PCDHGA8: variants seen among roughly 807,000 people sequenced by gnomAD.
The protein encoded by PCDHGA8 is protocadherin gamma-A8.
In PCDHGA8, 45 loss-of-function variants were observed where a neutral mutation model predicts 59.2. That is an observed-to-expected ratio of 0.76 (90% confidence interval 0.60 to 0.98). The LOEUF (loss-of-function observed/expected upper bound fraction) is 0.98, where lower values mean the gene tolerates loss of function less well. PCDHGA8 is among the 50% of genes least tolerant of loss of function. The pLI is 0.00. For synonymous variants in PCDHGA8, 531 were observed against 519.0 expected (o/e 1.02, Z -0.32); for missense variants, 1,257 against 1,196.2 (o/e 1.05, Z -0.75).
chr5:141,477,268 C>T lies in PCDHGA8; in HGVS notation c.2425-17539C>T. ...TGACTGACCTGGATGCTGGCGAGAA[C>T]GGGCTGGTGACCTGCGAAGTTCCAC... On this transcript the variant is annotated intron_variant, in intron 1 of 3. Transcript: ENST00000398604. The surrounding 1 kb of genome is among the most constrained non-coding windows in gnomAD (Gnocchi z 4.9). The T allele has an allele frequency of 6.2e-7, 1 of 1,614,196 alleles. No individual in the cohort carries two copies. The highest frequency in any genetic ancestry group is 8.5e-7 in the Non-Finnish European group (1 of 1,180,030).
intron 1 of PCDHGA8, chr5:141,422,401 C>G: frequency 6.3e-7 from 1 of 1,598,896 alleles, no homozygotes; most frequent in Non-Finnish European, 8.5e-7. Context: ...TAACCACCTG[C>G]CTTTTAAATT....
intron 1 of PCDHGA8, chr5:141,414,488 C>T (rs755499269): frequency 2.5e-6 from 4 of 1,613,914 alleles, no homozygotes; most frequent in African/African-American, 2.7e-5. Flanking sequence ...CCTCTATCAA[C>T]GGAAGCTCAC....
chr5:141,435,104 G>A (rs1009839042), intron 1 of PCDHGA8, among the ~76,000 whole-genome samples: 1 of 151,968 alleles, frequency 6.6e-6, no homozygotes, highest in Non-Finnish European at 1.5e-5. Flanking sequence ...TTATCTAGGG[G>A]GGAGAAATCT....
In PCDHGA8 at chr5:141,477,891, G is replaced by T. The variant is rs750359063; in HGVS notation, c.2425-16916G>T. 10 of 1,614,066 alleles carry T rather than the reference G, an allele frequency of 6.2e-6. No individual in the cohort carries two copies. The African/African-American group carries it at 1.2e-4, about 19-fold the overall frequency. ...ACCTCAGCTGGCCACCTAGTGTCAC[G>T]GGTGGTAGGCTGGGACGCGGATGCA... is the stretch of plus-strand genomic sequence containing the variant. On this transcript the variant is annotated intron_variant, in intron 1 of 3. Coordinates refer to ENST00000398604, the MANE Select transcript of PCDHGA8 (RefSeq NM_032088.2). This position sits in a 1 kb window ranked among gnomAD's most constrained non-coding sequence, Gnocchi z 4.9.
chr5:141,485,886 A>G lies in PCDHGA8; in HGVS notation c.2425-8921A>G. 1.9e-6 allele frequency: 3 copies of G among 1,614,132 alleles called. No individual in the cohort carries two copies. Among genetic ancestry groups the G allele is most frequent in the Non-Finnish European group, 2.5e-6 (3 of 1,180,016 alleles). On this transcript the variant is annotated intron_variant, in intron 1 of 3. Transcript: ENST00000398604. This position sits in a 1 kb window ranked among gnomAD's most constrained non-coding sequence, Gnocchi z 5.7. ...GTATCCGTGCTGGACGTAAACGACAACGCCCCAGCCTTCCAGCAATCCAGC... is the reference window on the plus strand; with the variant it reads ...GTATCCGTGCTGGACGTAAACGACAGCGCCCCAGCCTTCCAGCAATCCAGC...
Position 141,489,592 on chromosome 5 carries a change from C to T in PCDHGA8, c.2425-5215C>T, listed in dbSNP as rs747085985. 1.3e-5 allele frequency: 21 copies of T among 1,613,928 alleles called. No individual in the cohort carries two copies. The East Asian group carries it at 1.6e-4, about 12-fold the overall frequency. ...GACTGAACACCCCCTGGAGCTAATC[C>T]GTGTAGAGGTAGAGATCCTGGATCT... is the stretch of plus-strand genomic sequence containing the variant. On this transcript the variant is annotated intron_variant, in intron 1 of 3. Transcript: ENST00000398604. This position sits in a 1 kb window ranked among gnomAD's most constrained non-coding sequence, Gnocchi z 4.5.
intron 3 of PCDHGA8, among the ~76,000 whole-genome samples, chr5:141,506,621 G>A (rs143369587): frequency 1.3e-5 from 2 of 152,178 alleles, no homozygotes; most frequent in African/African-American, 4.8e-5. Flanking sequence ...GTGTTACCAG[G>A]GCCAAATGCA....
rs1415142555 is a variant in PCDHGA8, at chr5:141,476,011, A to G, written c.2425-18796A>G. The G allele has an allele frequency of 7.6e-7, 1 of 1,311,282 alleles. No individual in the cohort carries two copies. The highest frequency in any genetic ancestry group is 1.0e-6 in the Non-Finnish European group (1 of 962,238). 81.2% of individuals were successfully genotyped at this position (1,311,282 alleles called of 1,614,324 possible). ...GCAAATCAACGGCATCCAGAAAGCC[A>G]TGTCGGACTCGGCGCCCAGCGCCCA... On this transcript the variant is annotated intron_variant, in intron 1 of 3. Coordinates refer to ENST00000398604, the MANE Select transcript of PCDHGA8 (RefSeq NM_032088.2). This position sits in a 1 kb window ranked among gnomAD's most constrained non-coding sequence, Gnocchi z 7.6.
In PCDHGA8 at chr5:141,490,925, C is replaced by T; in HGVS notation, c.2425-3882C>T. 1 of 1,613,688 alleles carries T rather than the reference C, an allele frequency of 6.2e-7. No homozygotes were observed. The highest frequency in any genetic ancestry group is 8.5e-7 in the Non-Finnish European group (1 of 1,179,700). On this transcript the variant is annotated intron_variant, in intron 1 of 3. Coordinates refer to ENST00000398604, the MANE Select transcript of PCDHGA8 (RefSeq NM_032088.2). The surrounding 1 kb of genome is among the most constrained non-coding windows in gnomAD (Gnocchi z 5.4). ...GTCCTAGACGAGAATGATAATGCCC[C>T]AGCTGTGCTGCACCCACGGCCAGAC... is the stretch of plus-strand genomic sequence containing the variant.
intron 1 of PCDHGA8, chr5:141,422,940 C>T (rs769630623): frequency 2.0e-5 from 32 of 1,614,124 alleles, no homozygotes; most frequent in Admixed American, 5.0e-5. Flanking sequence ...TCCCCACAGA[C>T]GGCTCCACTG....
chr5:141,443,733 C>T (rs7723254), intron 1 of PCDHGA8, among the ~76,000 whole-genome samples: 16,856 of 152,062 alleles, frequency 0.11, 1,109 homozygotes, highest in African/African-American at 0.17. Context: ...TCATACATTT[C>T]CCTATCAGTG....
intron 1 of PCDHGA8, chr5:141,428,035 A>C (rs776717344): frequency 6.2e-7 from 1 of 1,607,926 alleles, no homozygotes; most frequent in Non-Finnish European, 8.5e-7. Context: ...GAGTCCGGCT[A>C]CCTGGTGACC....
rs563283218 is a variant in PCDHGA8, at chr5:141,431,573, G to A, written c.2424+36336G>A. On this transcript the variant is annotated intron_variant, in intron 1 of 3. Coordinates refer to ENST00000398604, the MANE Select transcript of PCDHGA8 (RefSeq NM_032088.2). This position sits in a 1 kb window ranked among gnomAD's most constrained non-coding sequence, Gnocchi z 4.8. ...AGTCAACGCTACCGACCCTGACGAA[G>A]GAGTCAATGCGGAAGTGAGGTATTC... 5.6e-6 allele frequency: 9 copies of A among 1,614,186 alleles called. No homozygotes were observed. The South Asian group carries it at 8.8e-5, about 16-fold the overall frequency.
At chr5:141,409,119 C>T (rs1231583978) in intron 1 of PCDHGA8, 8 of 1,613,810 alleles carry the variant, frequency 5.0e-6, no homozygotes, top group Non-Finnish European at 6.8e-6. Flanking sequence ...AATAACCAGT[C>T]ATTTGATTTT....
At chr5:141,402,597 T>G (rs1268830791) in intron 1 of PCDHGA8, among the ~76,000 whole-genome samples, 1 of 152,254 alleles carries the variant, frequency 6.6e-6, no homozygotes, top group African/African-American at 2.4e-5. Context: ...TAGATTGCTT[T>G]TGAAATACAA....
chr5:141,465,502 G>A (rs948827391), intron 1 of PCDHGA8, among the ~76,000 whole-genome samples: 6 of 152,268 alleles, frequency 3.9e-5, no homozygotes, highest in Admixed American at 2.0e-4. Context: ...GAGCATTGTC[G>A]TGGTCAGGAA....
At chr5:141,399,037 G>A (rs756325508) in intron 1 of PCDHGA8, 2 of 1,613,856 alleles carry the variant, frequency 1.2e-6, no homozygotes, top group African/African-American at 2.7e-5. Context: ...AAAGAAACTG[G>A]ATTTTGAAGA....
At chr5:141,480,285 T>C (rs1369369395) in intron 1 of PCDHGA8, among the ~76,000 whole-genome samples, 1 of 151,924 alleles carries the variant, frequency 6.6e-6, no homozygotes, top group East Asian at 1.9e-4. Flanking sequence ...TGTGTTGGCA[T>C]GCACCTGTGG....
rs2099687792 is a variant in PCDHGA8, at chr5:141,489,485, G to GT, written c.2425-5321dup. Reference sequence around the variant, plus strand: ...TATTTTTCCCTGAGCTTGATGAGTGGTGCCCTGGCAGTGAATCAAAAGATT... The same window carrying GT: ...TATTTTTCCCTGAGCTTGATGAGTGGTTGCCCTGGCAGTGAATCAAAAGATT... On this transcript the variant is annotated intron_variant, in intron 1 of 3. Coordinates refer to ENST00000398604, the MANE Select transcript of PCDHGA8 (RefSeq NM_032088.2). This position sits in a 1 kb window ranked among gnomAD's most constrained non-coding sequence, Gnocchi z 4.5. The GT allele has an allele frequency of 6.2e-7, 1 of 1,614,088 alleles. No individual in the cohort carries two copies. The highest frequency in any genetic ancestry group is 2.2e-5 in the East Asian group (1 of 44,868).
Sources: gnomAD v4.1 joint callset for allele counts (sites outside exome capture counted in the v4.1 genomes callset) on GRCh38, gnomAD v4.1.1 for gene constraint, Gnocchi (gnomAD v3.1) non-coding constraint, MANE v1.5 for transcripts, NCBI Gene and HGNC (gene_info 2026-07-23, HGNC 2026-07-21) for gene names.